The following CSNK1A1 variants were observed in gnomAD, a reference collection of about 807,000 sequenced individuals.
CSNK1A1 encodes casein kinase I isoform alpha.
A neutral mutation model predicts 46.1 loss-of-function variants in CSNK1A1; 7 were observed. The ratio of observed to expected loss-of-function variants is 0.15; its 90% confidence interval spans 0.09 to 0.29. The LOEUF is 0.29. Among genes scored for constraint, CSNK1A1 ranks in the 10% least tolerant of loss-of-function variants. The probability of loss-of-function intolerance (pLI) is 1.00; values close to 1 mark genes in which losing one functional copy is unlikely to be tolerated. For synonymous variants in CSNK1A1, 137 were observed against 141.5 expected, an observed-to-expected ratio of 0.97 and a Z score of 0.23; for missense variants, 96 against 417.1, an observed-to-expected ratio of 0.23 and a Z score of 6.71.
At chr5:149,537,330 C>T (rs994414353) in intron 2 of CSNK1A1, among the ~76,000 whole-genome samples, 5 of 152,122 alleles carry the variant, frequency 3.3e-5, no homozygotes, top group Admixed American at 1.3e-4. Flanking sequence ...GAGCCGAGAT[C>T]GTGCCACTGT....
intron 7 of CSNK1A1, among the ~76,000 whole-genome samples, chr5:149,508,130 A>T (rs1468259462): frequency 6.6e-6 from 1 of 152,244 alleles, no homozygotes; most frequent in East Asian, 1.9e-4. Flanking sequence ...TTATGATTGT[A>T]GAGTTAAAGT....
Position 149,496,815 on chromosome 5 carries a change from G to A in CSNK1A1, c.*38C>T, listed in dbSNP as rs764800978. On this transcript the variant is annotated 3_prime_UTR_variant, in exon 10 of 10. Coordinates refer to ENST00000377843, the MANE Select transcript of CSNK1A1 (RefSeq NM_001892.6). Reference sequence around the variant, plus strand: ...TTTGGGGAGAAACAAATGCTGCTCCGATCATCTGCTCTGCTTCTTCTGTTC... The same window carrying A: ...TTTGGGGAGAAACAAATGCTGCTCCAATCATCTGCTCTGCTTCTTCTGTTC... 2.6e-6 allele frequency: 4 copies of A among 1,556,140 alleles called. No individual in the cohort carries two copies. The highest frequency in any genetic ancestry group is 4.7e-5 in the East Asian group (2 of 42,330).
intron 2 of CSNK1A1, among the ~76,000 whole-genome samples, chr5:149,543,392 T>C (rs1762363483): frequency 6.6e-6 from 1 of 152,156 alleles, no homozygotes. Context: ...CATTATCTCA[T>C]AAGCCAGTAT....
chr5:149,506,146 C>T (rs569237866), intron 8 of CSNK1A1, among the ~76,000 whole-genome samples: 3 of 152,184 alleles, frequency 2.0e-5, no homozygotes, highest in Admixed American at 6.5e-5. Context: ...AGGCTGGTCT[C>T]GAGCTCCTGG....
chr5:149,498,626 C>G (rs898157569), intron 9 of CSNK1A1: 1 of 985,170 alleles, frequency 1.0e-6, no homozygotes, highest in African/African-American at 1.7e-5. Flanking sequence ...CAGAATTCCC[C>G]CATCAGGATT....
intron 9 of CSNK1A1, chr5:149,504,657 T>A (rs1760970945): frequency 2.0e-6 from 2 of 985,324 alleles, no homozygotes; most frequent in Admixed American, 1.2e-4. Context: ...GACTAGCGGT[T>A]TCAATGGCAT....
At chr5:149,530,839 G>A (rs1056544647) in intron 2 of CSNK1A1, among the ~76,000 whole-genome samples, 1 of 151,656 alleles carries the variant, frequency 6.6e-6, no homozygotes, top group Non-Finnish European at 1.5e-5. Flanking sequence ...GGTGGTGGGC[G>A]CCTATAGTCC....
At chr5:149,499,967 C>CTTTTTTT (rs1162496799) in intron 9 of CSNK1A1, among the ~76,000 whole-genome samples, 48 of 77,698 alleles carry the variant, frequency 6.2e-4, no homozygotes, top group Non-Finnish European at 6.8e-4. Flanking sequence ...TTCTTTTTTT[C>CTTTTTTT]TTTTTTTTTT....
At chr5:149,511,969 G>A in intron 5 of CSNK1A1, 97 bp from the exon 6 acceptor site, 1 of 891,268 alleles carries the variant, frequency 1.1e-6, no homozygotes, top group Non-Finnish European at 1.8e-6. Flanking sequence ...CCCAAATGAG[G>A]AGGGAACACT....
chr5:149,541,970 C>CAAAAA (rs1171466150), intron 2 of CSNK1A1, among the ~76,000 whole-genome samples: 9 of 40,010 alleles, frequency 2.2e-4, no homozygotes, highest in East Asian at 2.0e-3. Flanking sequence ...GACTGCATCT[C>CAAAAA]AAAAAAAAAA....
chr5:149,498,889 T>C (rs960641523), intron 9 of CSNK1A1: 1 of 985,350 alleles, frequency 1.0e-6, no homozygotes, highest in African/African-American at 1.7e-5. Context: ...AGAATGTATC[T>C]GTACATCTTT....
intron 2 of CSNK1A1, among the ~76,000 whole-genome samples, chr5:149,548,017 C>T (rs1420203513): frequency 6.6e-6 from 1 of 151,972 alleles, no homozygotes; most frequent in Non-Finnish European, 1.5e-5. Flanking sequence ...ATTACAGGCA[C>T]GTGCCACCAT....
At chr5:149,511,207 T>C (rs1012490908) in intron 6 of CSNK1A1, among the ~76,000 whole-genome samples, 1 of 152,146 alleles carries the variant, frequency 6.6e-6, no homozygotes, top group Admixed American at 6.5e-5. Flanking sequence ...CATGTTCCTG[T>C]AGTCCCAGCT....
At chr5:149,543,062 C>T (rs1009765026) in intron 2 of CSNK1A1, among the ~76,000 whole-genome samples, 1 of 151,992 alleles carries the variant, frequency 6.6e-6, no homozygotes, top group African/African-American at 2.4e-5. Flanking sequence ...AATAAGAACA[C>T]CCTGAATCGT....
chr5:149,502,524 G>GGGGA, intron 9 of CSNK1A1: 1 of 219,418 alleles, frequency 4.6e-6, no homozygotes, highest in Non-Finnish European at 7.1e-6. Flanking sequence ...TTTTTTTGGG[G>GGGGA]GGGGGGGGGT....
intron 2 of CSNK1A1, among the ~76,000 whole-genome samples, chr5:149,534,937 C>T (rs557415925): frequency 1.7e-4 from 25 of 148,246 alleles, no homozygotes; most frequent in Non-Finnish European, 3.4e-4. Flanking sequence ...CCCTTACCTA[C>T]TAAAAAAGCA....
rs774517186 is a variant in CSNK1A1 at position 149,513,787 on chromosome 5, CT to C, written c.457-579del. Among the ~76,000 whole-genome samples, 5 of 151,980 alleles carry C rather than the reference CT, an allele frequency of 3.3e-5. No individual in the cohort carries two copies. The East Asian group carries it at 9.7e-4, about 29-fold the overall frequency. On this transcript the variant is annotated intron_variant, in intron 4 of 9. Coordinates refer to ENST00000377843, the MANE Select transcript of CSNK1A1 (RefSeq NM_001892.6). ...TGGTGGCACATGCCTGTAGTCCCAG[CT>C]ACACAAGAGGCTGAGGCAGGAGAAT... is the stretch of plus-strand genomic sequence containing the variant.
At chr5:149,539,801 A>C (rs1455300411) in intron 2 of CSNK1A1, among the ~76,000 whole-genome samples, 1 of 152,094 alleles carries the variant, frequency 6.6e-6, no homozygotes, top group Non-Finnish European at 1.5e-5. Context: ...ATGCAGTAGG[A>C]CCTGTACAAA....
At position 149,517,764 on chromosome 5, in the gene CSNK1A1, T is replaced by C; in HGVS notation, c.456+2526A>G. Reference sequence around the variant, plus strand: ...AAAAGAAAAGCACATGAATTTGGGATTGAGGTTGGAATAGGAGACAGTTTC... The same window carrying C: ...AAAAGAAAAGCACATGAATTTGGGACTGAGGTTGGAATAGGAGACAGTTTC... On this transcript the variant is annotated intron_variant, in intron 4 of 9. Transcript: ENST00000377843. This position sits in a 1 kb window ranked among gnomAD's most constrained non-coding sequence, Gnocchi z 4.4. 2 of 1,352,050 alleles carry C rather than the reference T, an allele frequency of 1.5e-6. No homozygotes were observed. Among genetic ancestry groups the C allele is most frequent in the Non-Finnish European group, 2.1e-6 (2 of 957,666 alleles). The allele number at this position is 1,352,050 out of a possible 1,614,324, so 83.8% of individuals were successfully genotyped here.
Sources: allele counts gnomAD v4.1 joint callset (sites outside exome capture counted in the v4.1 genomes callset), GRCh38; gene constraint gnomAD v4.1.1; non-coding constraint Gnocchi (gnomAD v3.1); transcripts MANE v1.5; gene names NCBI Gene and HGNC (gene_info 2026-07-23, HGNC 2026-07-21).